BLOC1S5: variants seen among roughly 807,000 people sequenced by gnomAD.
BLOC1S5 encodes biogenesis of lysosomal organelles complex 1 subunit 5, also known as biogenesis of lysosome-related organelles complex 1 subunit 5.
A neutral mutation model predicts 24.3 loss-of-function variants in BLOC1S5; 27 were observed. The ratio of observed to expected loss-of-function variants is 1.11; its 90% confidence interval spans 0.82 to 1.53. The LOEUF is 1.53. Ranked by LOEUF, BLOC1S5 falls within the 40% of genes most tolerant of loss-of-function variation. The pLI is 0.00. For synonymous variants in BLOC1S5, 84 were observed against 74.5 expected (o/e 1.13, Z -0.66); for missense variants, 239 against 229.4 (o/e 1.04, Z -0.27).
chr6:8,041,137 A>ACATCT lies in BLOC1S5; in HGVS notation c.322_325+1dup. 6.4e-7 allele frequency: 1 copy of ACATCT among 1,569,868 alleles called. No homozygotes were observed. Among genetic ancestry groups the ACATCT allele is most frequent in the Non-Finnish European group, 8.6e-7 (1 of 1,161,002 alleles). On this transcript the variant is annotated splice_donor_variant, in intron 3 of 4. Coordinates refer to ENST00000397457, the MANE Select transcript of BLOC1S5 (RefSeq NM_201280.3). LOFTEE classifies it high-confidence loss of function. ...GCAATTAAAAAAGAATTGCTGACTC[A>ACATCT]CATCTCTGGAGAACCTGGCTGAGGC...
rs191980186 is a variant in BLOC1S5 at position 8,032,885 on chromosome 6, A to C, written c.326-6460T>G. The stretch of plus-strand genomic sequence containing the variant: ...GTGAACTCCCATTCACAATTGCTAC[A>C]AAGAGAATAAAATACCTAGGAATCC... On this transcript the variant is annotated intron_variant, in intron 3 of 4. Coordinates refer to ENST00000397457, the MANE Select transcript of BLOC1S5 (RefSeq NM_201280.3). Among the ~76,000 whole-genome samples the C allele has an allele frequency of 4.6e-5, 7 of 152,298 alleles. No individual in the cohort carries two copies. The East Asian group carries it at 1.4e-3, about 29-fold the overall frequency.
intron 3 of BLOC1S5, among the ~76,000 whole-genome samples, chr6:8,037,003 G>C (rs1367317433): frequency 6.6e-6 from 1 of 152,094 alleles, no homozygotes; most frequent in Non-Finnish European, 1.5e-5. Context: ...CAAAATAGCT[G>C]TGGGCAAACC....
chr6:8,061,147 T>C (rs971760150), intron 2 of BLOC1S5, among the ~76,000 whole-genome samples: 4 of 152,144 alleles, frequency 2.6e-5, no homozygotes, highest in African/African-American at 4.8e-5. Context: ...TACTAAGGAA[T>C]TGGTAACCAT....
At chr6:8,054,512 T>C (rs755930941) in intron 2 of BLOC1S5, 1 of 267,404 alleles carries the variant, frequency 3.7e-6, no homozygotes, top group South Asian at 3.7e-5. Flanking sequence ...CCCAGAGTCC[T>C]TGCATGACCT....
At chr6:8,062,066 T>C (rs570586557) in intron 2 of BLOC1S5, among the ~76,000 whole-genome samples, 2 of 152,360 alleles carry the variant, frequency 1.3e-5, no homozygotes, top group South Asian at 2.1e-4. Context: ...TCGACATTTA[T>C]GAGGTAAACA....
intron 2 of BLOC1S5, among the ~76,000 whole-genome samples, chr6:8,047,167 CACACACACA>C (rs1226957378): frequency 1.3e-4 from 3 of 22,890 alleles, no homozygotes; most frequent in Admixed American, 9.8e-4. Flanking sequence ...CTCTCACACA[CACACACACA>C]CACACACACA....
chr6:8,019,014 T>C (rs1336765925), intron 4 of BLOC1S5, among the ~76,000 whole-genome samples: 5 of 152,388 alleles, frequency 3.3e-5, no homozygotes, highest in East Asian at 3.9e-4. Context: ...GTGAATAAGA[T>C]ACTGCCAAAG....
At chr6:8,062,850 C>T (rs1310206505) in intron 1 of BLOC1S5, among the ~76,000 whole-genome samples, 1 of 152,112 alleles carries the variant, frequency 6.6e-6, no homozygotes, top group Non-Finnish European at 1.5e-5. Context: ...CATTTTCATG[C>T]CTAGGTATGT....
At chr6:8,024,187 T>C (rs1216154259) in intron 4 of BLOC1S5, among the ~76,000 whole-genome samples, 3 of 151,922 alleles carry the variant, frequency 2.0e-5, no homozygotes, top group Non-Finnish European at 4.4e-5. Flanking sequence ...ATATATATTC[T>C]ATAAAAATTA....
In BLOC1S5 at chr6:8,016,186, C is replaced by T. The variant is rs1017145806; in HGVS notation, c.385-358G>A. Reference sequence around the variant, plus strand: ...ACTAAAAATACAAAAATTAGCTGGGCGTGGTGGCACATGGCTGTAGTTCCA... The same window carrying T: ...ACTAAAAATACAAAAATTAGCTGGGTGTGGTGGCACATGGCTGTAGTTCCA... On this transcript the variant is annotated intron_variant, in intron 4 of 4. Transcript: ENST00000397457. 4.6e-5 allele frequency among the ~76,000 whole-genome samples: 7 copies of T among 152,022 alleles called. 1 individual carries two copies. Among genetic ancestry groups the T allele is most frequent in the African/African-American group, 2.4e-5 (1 of 41,446 alleles).
At chr6:8,035,853 T>C (rs151158429) in intron 3 of BLOC1S5, among the ~76,000 whole-genome samples, 5 of 152,214 alleles carry the variant, frequency 3.3e-5, no homozygotes, top group African/African-American at 7.2e-5. Context: ...CAGAGAAACA[T>C]TGGAGAGTTC....
intron 3 of BLOC1S5, among the ~76,000 whole-genome samples, chr6:8,036,346 A>T (rs904665677): frequency 6.6e-6 from 1 of 152,114 alleles, no homozygotes; most frequent in African/African-American, 2.4e-5. Flanking sequence ...CCAGAGCAGA[A>T]ATAAATAAAA....
At chr6:8,064,145 C>T (rs1254292998) in intron 1 of BLOC1S5, 120 bp downstream of exon 1, 5 of 775,156 alleles carry the variant, frequency 6.5e-6, no homozygotes, top group Non-Finnish European at 9.8e-6. Flanking sequence ...GACTCCCCCA[C>T]CCGCACAAAC....
chr6:8,027,708 C>G (rs1479094776), intron 3 of BLOC1S5, among the ~76,000 whole-genome samples: 1 of 151,950 alleles, frequency 6.6e-6, no homozygotes, highest in African/African-American at 2.4e-5. Context: ...GTGGCACATG[C>G]CTGTAGTCCC....
chr6:8,032,348 CAT>C (rs1225675519), intron 3 of BLOC1S5, among the ~76,000 whole-genome samples: 2 of 151,924 alleles, frequency 1.3e-5, no homozygotes, highest in Non-Finnish European at 2.9e-5. Context: ...GGCCAACAAA[CAT>C]ATGAAAAATG....
At chr6:8,028,369 A>G (rs1463267408) in intron 3 of BLOC1S5, among the ~76,000 whole-genome samples, 1 of 152,084 alleles carries the variant, frequency 6.6e-6, no homozygotes, top group African/African-American at 2.4e-5. Flanking sequence ...ATATTTAAAA[A>G]AAAAAAAACA....
At position 8,014,044 on chromosome 6, in the gene BLOC1S5, G is replaced by C. The variant is rs902517155; in HGVS notation, c.*1605C>G. 6.6e-6 allele frequency: 1 copy of C among 152,090 alleles called. No homozygotes were observed. Among genetic ancestry groups the C allele is most frequent in the Non-Finnish European group, 1.5e-5 (1 of 68,026 alleles). The allele number at this position is 152,090 out of a possible 1,614,324, so 9.4% of individuals were successfully genotyped here. ...TGCAGCCAAGAATGAAGCTTTGACA[G>C]TAAGCCATACATTTACACAGGCAGG... On this transcript the variant is annotated 3_prime_UTR_variant, in exon 5 of 5. Transcript: ENST00000397457.
chr6:8,043,487 T>C (rs1007944371), intron 2 of BLOC1S5, among the ~76,000 whole-genome samples: 2 of 151,892 alleles, frequency 1.3e-5, no homozygotes, highest in African/African-American at 4.8e-5. Flanking sequence ...AAACCCAGAT[T>C]GGATACCTAG....
chr6:8,047,199 C>G lies in BLOC1S5; in HGVS notation c.196-5931G>C, dbSNP rs12215622. On this transcript the variant is annotated intron_variant, in intron 2 of 4. Coordinates refer to ENST00000397457, the MANE Select transcript of BLOC1S5 (RefSeq NM_201280.3). ...ACACACACACACACACACACACACA[C>G]AGTCAACAGTAATTTTTTTTTTTTT... Among the ~76,000 whole-genome samples, 776 of 112,474 alleles carry G rather than the reference C, an allele frequency of 6.9e-3. 2 individuals are homozygous for G. The highest frequency in any genetic ancestry group is 0.01 in the East Asian group (33 of 3,258). 73.8% of individuals were successfully genotyped at this position (112,474 alleles called of 152,430 possible).
Sources: allele counts gnomAD v4.1 joint callset (sites outside exome capture counted in the v4.1 genomes callset), GRCh38; gene constraint gnomAD v4.1.1; transcripts MANE v1.5; gene names NCBI Gene and HGNC (gene_info 2026-07-23, HGNC 2026-07-21).